RYR3: variants seen among roughly 807,000 people sequenced by gnomAD.
The protein encoded by RYR3 is ryanodine receptor 3.
A neutral mutation model predicts 584.3 loss-of-function variants in RYR3; 207 were observed. That is an observed-to-expected ratio of 0.35 (90% CI 0.32 to 0.40). The LOEUF is 0.40. Ranked by LOEUF, RYR3 falls within the 10% of genes least tolerant of loss-of-function variation. RYR3 has a pLI of 1.00. For synonymous variants in RYR3, 2,416 were observed against 2,248.5 expected (o/e 1.07, Z -2.11); for missense variants, 5,616 against 6,089.2 (o/e 0.92, Z 2.59).
At chr15:33,520,282 A>G (rs1437389726) in intron 3 of RYR3, among the ~76,000 whole-genome samples, 1 of 152,322 alleles carries the variant, frequency 6.6e-6, no homozygotes, top group East Asian at 1.9e-4. Flanking sequence ...GAAACAGTAG[A>G]TTAGAAACAG....
intron 38 of RYR3, 146 bp from the exon 39 acceptor site, chr15:33,696,072 G>C: frequency 1.5e-6 from 1 of 659,208 alleles, no homozygotes; most frequent in Non-Finnish European, 2.5e-6. Flanking sequence ...TAGGATTATA[G>C]GCATGAGCCA....
intron 60 of RYR3, among the ~76,000 whole-genome samples, chr15:33,767,688 C>T (rs1186353175): frequency 2.0e-5 from 3 of 152,138 alleles, no homozygotes; most frequent in Non-Finnish European, 2.9e-5. Context: ...CAGGGGACCC[C>T]GTGGCCTATC....
intron 81 of RYR3, among the ~76,000 whole-genome samples, chr15:33,825,132 G>A (rs565987097): frequency 6.6e-6 from 1 of 152,198 alleles, no homozygotes; most frequent in Admixed American, 6.5e-5. Context: ...CTGGAAGTTT[G>A]TAGCTCATCC....
intron 60 of RYR3, among the ~76,000 whole-genome samples, chr15:33,763,721 G>A (rs1335526958): frequency 4.6e-5 from 7 of 151,650 alleles, no homozygotes; most frequent in East Asian, 1.9e-4. Flanking sequence ...GTGAAACCCC[G>A]TCTCTACTAA....
At chr15:33,487,605 C>T (rs1338132119) in intron 2 of RYR3, among the ~76,000 whole-genome samples, 10 of 152,272 alleles carry the variant, frequency 6.6e-5, no homozygotes, top group South Asian at 6.2e-4. Context: ...ATCTTATGCA[C>T]ATATGGTGGG....
chr15:33,702,084 G>T (rs967642880), intron 42 of RYR3, among the ~76,000 whole-genome samples: 2 of 152,176 alleles, frequency 1.3e-5, no homozygotes, highest in Admixed American at 6.5e-5. Context: ...ATTGTTGCCT[G>T]CCAGTTACGG....
chr15:33,664,587 G>GTGTATGTATA (rs1566908342), intron 36 of RYR3, among the ~76,000 whole-genome samples: 1 of 42,624 alleles, frequency 2.3e-5, no homozygotes. Context: ...GTGTGTGTGT[G>GTGTATGTATA]TGTATATATA....
intron 1 of RYR3, among the ~76,000 whole-genome samples, chr15:33,373,039 T>C (rs909746173): frequency 2.6e-5 from 4 of 152,238 alleles, no homozygotes; most frequent in Non-Finnish European, 4.4e-5. Flanking sequence ...CTCATACTTC[T>C]CACGTGTCTC....
intron 67 of RYR3, among the ~76,000 whole-genome samples, chr15:33,798,004 C>T (rs546780170): frequency 8.5e-5 from 13 of 152,186 alleles, no homozygotes; most frequent in Admixed American, 2.6e-4. Context: ...TAGTCTCACA[C>T]GGAAAAGAAG....
intron 43 of RYR3, among the ~76,000 whole-genome samples, chr15:33,719,718 T>G (rs1220652038): frequency 6.6e-6 from 1 of 152,206 alleles, no homozygotes; most frequent in East Asian, 1.9e-4. Context: ...TAGATTCTCC[T>G]GGGGCTTTTC....
chr15:33,725,182 C>CACACACACACACACACATATAT (rs1555427036), intron 45 of RYR3, among the ~76,000 whole-genome samples: 2 of 149,388 alleles, frequency 1.3e-5, no homozygotes, highest in South Asian at 2.1e-4. Context: ...CACACACACA[C>CACACACACACACACACATATAT]ACACACACAC....
intron 1 of RYR3, among the ~76,000 whole-genome samples, chr15:33,316,919 G>A (rs558464581): frequency 1.3e-5 from 2 of 152,284 alleles, no homozygotes; most frequent in South Asian, 4.1e-4. Flanking sequence ...CTCACCCCAG[G>A]ATCTCTGGGC....
intron 2 of RYR3, among the ~76,000 whole-genome samples, chr15:33,497,050 C>T (rs1051145187): frequency 2.0e-5 from 3 of 152,130 alleles, no homozygotes; most frequent in Non-Finnish European, 2.9e-5. Context: ...ATGGCTAATA[C>T]GGGAAAGGAC....
Position 33,844,585 on chromosome 15 carries a change from G to T in RYR3, c.13297-277G>T, listed in dbSNP as rs191287096. Among the ~76,000 whole-genome samples the T allele has an allele frequency of 1.1e-4, 16 of 152,280 alleles. 1 individual carries two copies. The highest frequency in any genetic ancestry group is 1.0e-3 in the Admixed American group (16 of 15,300). ...CAGAGATTCCCTTCTGTGGCATAAG[G>T]ATTATAAGCATATGTAGTAAAAGTT... On this transcript the variant is annotated intron_variant, in intron 92 of 103. Coordinates refer to ENST00000634891, the MANE Select transcript of RYR3 (RefSeq NM_001036.6).
chr15:33,613,242 G>A lies in RYR3; in HGVS notation c.2224G>A (p.Val742Ile), dbSNP rs1469180887. ...NQHLLRSDDVVSCCLDLGVPS... is the reference protein window; with the variant it reads ...NQHLLRSDDVISCCLDLGVPS... ...GCACCTCCTGAGATCGGATGACGTG[G>A]TAAGCTGCTGCCTGGACCTCGGGGT... Residue 742 changes from valine (V) to isoleucine (I), a missense_variant, in exon 19 of 104, where the codon GTA (valine) becomes ATA (isoleucine). By Grantham distance (29) the Val-to-Ile change is conservative (BLOSUM62 3). This residue lies in a region of RYR3 where 1,284 missense variants were observed against 1,344.6 expected (regional missense o/e 0.95). Transcript: ENST00000634891. 2 of 1,613,936 alleles carry A rather than the reference G, an allele frequency of 1.2e-6. No homozygotes were observed. Among genetic ancestry groups the A allele is most frequent in the South Asian group, 1.1e-5 (1 of 91,070 alleles).
At chr15:33,742,888 T>G (rs2070302234) in intron 52 of RYR3, among the ~76,000 whole-genome samples, 1 of 152,220 alleles carries the variant, frequency 6.6e-6, no homozygotes. Context: ...TGCAATCGTC[T>G]TCTTATGGTA....
At chr15:33,467,182 C>T (rs1280481097) in intron 1 of RYR3, among the ~76,000 whole-genome samples, 1 of 152,210 alleles carries the variant, frequency 6.6e-6, no homozygotes, top group East Asian at 1.9e-4. Context: ...AGCAATACAT[C>T]ATTATGGATT....
At chr15:33,574,315 C>A (rs1001358456) in intron 12 of RYR3, among the ~76,000 whole-genome samples, 1 of 152,148 alleles carries the variant, frequency 6.6e-6, no homozygotes, top group African/African-American at 2.4e-5. Context: ...AAAACGTAAG[C>A]CCTGGAACTG....
At chr15:33,794,225 A>ATATATAG (rs2075409839) in intron 67 of RYR3, among the ~76,000 whole-genome samples, 3 of 27,566 alleles carry the variant, frequency 1.1e-4, no homozygotes, top group Non-Finnish European at 2.7e-4. Flanking sequence ...ATATATAAAT[A>ATATATAG]TATATAAATA....
Sources: gnomAD v4.1 joint callset for allele counts (sites outside exome capture counted in the v4.1 genomes callset) on GRCh38, gnomAD v4.1.1 for gene constraint, gnomAD v4.1.1 regional missense constraint, MANE v1.5 for transcripts, NCBI Gene and HGNC (gene_info 2026-07-23, HGNC 2026-07-21) for gene names.